HCN1: variants seen among roughly 807,000 people sequenced by gnomAD.
HCN1 encodes the protein potassium/sodium hyperpolarization-activated cyclic nucleotide-gated channel 1.
Under a neutral mutation model 78.9 loss-of-function variants are expected in HCN1, and 13 were observed. The ratio of observed to expected loss-of-function variants is 0.16; its 90% CI spans 0.11 to 0.26. The LOEUF is 0.26. Ranked by LOEUF, HCN1 falls within the 10% of genes least tolerant of loss-of-function variation. The pLI is 1.00. For missense variants in HCN1, 810 were observed against 1,154.3 expected (o/e 0.70, Z 4.32); for synonymous variants, 552 against 455.5 (o/e 1.21, Z -2.70).
chr5:45,308,841 C>G lies in HCN1; in HGVS notation c.1378-5002G>C, dbSNP rs1745790744. On this transcript the variant is annotated intron_variant, in intron 5 of 7. Coordinates refer to ENST00000303230, the MANE Select transcript of HCN1 (RefSeq NM_021072.4). ...TTCTTTTTTCTTAGGATTGTCTTGGCTATTTGGGCTAGTTTTTGGTTCCAT... is the reference window on the plus strand; with the variant it reads ...TTCTTTTTTCTTAGGATTGTCTTGGGTATTTGGGCTAGTTTTTGGTTCCAT... 2.0e-5 allele frequency among the ~76,000 whole-genome samples: 3 copies of G among 152,104 alleles called. No homozygotes were observed. The South Asian group carries it at 6.2e-4, about 32-fold the overall frequency.
At chr5:45,671,227 C>T (rs1746143554) in intron 1 of HCN1, among the ~76,000 whole-genome samples, 1 of 151,286 alleles carries the variant, frequency 6.6e-6, no homozygotes, top group African/African-American at 2.4e-5. Context: ...ACTCCATTAC[C>T]CAAATCCCAC....
At chr5:45,466,863 C>A (rs548839978) in intron 2 of HCN1, among the ~76,000 whole-genome samples, 177 of 152,106 alleles carry the variant, frequency 1.2e-3, no homozygotes, top group Admixed American at 1.6e-3. Context: ...TAACACTGAC[C>A]AATGACTGCA....
At chr5:45,263,913 C>T (rs941849525) in intron 7 of HCN1, among the ~76,000 whole-genome samples, 2 of 152,128 alleles carry the variant, frequency 1.3e-5, no homozygotes, top group African/African-American at 4.8e-5. Flanking sequence ...CCTGCCTTAG[C>T]CTCCTGAGTA....
intron 5 of HCN1, among the ~76,000 whole-genome samples, chr5:45,336,191 G>A (rs1360406705): frequency 3.3e-5 from 5 of 152,006 alleles, no homozygotes; most frequent in African/African-American, 1.2e-4. Flanking sequence ...AGGATACTAG[G>A]GATTACTGAA....
At chr5:45,353,345 C>A in intron 4 of HCN1, 99 bp from the exon 5 acceptor site, 1 of 868,396 alleles carries the variant, frequency 1.2e-6, no homozygotes, top group Non-Finnish European at 1.8e-6. Context: ...TTTGAATACT[C>A]AGTTACAAAA....
At chr5:45,394,460 C>T (rs1333324298) in intron 4 of HCN1, among the ~76,000 whole-genome samples, 1 of 152,168 alleles carries the variant, frequency 6.6e-6, no homozygotes, top group African/African-American at 2.4e-5. Flanking sequence ...GCACATTACT[C>T]ATCCACTATG....
intron 2 of HCN1, among the ~76,000 whole-genome samples, chr5:45,473,238 T>G (rs1300378562): frequency 6.6e-6 from 1 of 151,942 alleles, no homozygotes; most frequent in Non-Finnish European, 1.5e-5. Context: ...TCTATATATC[T>G]CGAGAGAACC....
At chr5:45,319,057 T>C (rs1746066301) in intron 5 of HCN1, among the ~76,000 whole-genome samples, 1 of 152,036 alleles carries the variant, frequency 6.6e-6, no homozygotes, top group South Asian at 2.1e-4. Context: ...TATTTCATTT[T>C]ATGGTTATAC....
chr5:45,518,567 G>A (rs1742556221), intron 2 of HCN1, among the ~76,000 whole-genome samples: 1 of 152,042 alleles, frequency 6.6e-6, no homozygotes, highest in Non-Finnish European at 1.5e-5. Context: ...ACAGCCTGAG[G>A]AGGAGGCCCA....
chr5:45,667,795 G>T (rs1746078540), intron 1 of HCN1, among the ~76,000 whole-genome samples: 1 of 151,876 alleles, frequency 6.6e-6, no homozygotes, highest in Non-Finnish European at 1.5e-5. Context: ...TGACATTGTA[G>T]TTCTTCCGAC....
chr5:45,348,991 A>T (rs1348585404), intron 5 of HCN1, among the ~76,000 whole-genome samples: 4 of 152,340 alleles, frequency 2.6e-5, no homozygotes, highest in Admixed American at 6.5e-5. Flanking sequence ...AATGATACCC[A>T]GGAATTGAAC....
At position 45,281,170 on chromosome 5, in the gene HCN1, T is replaced by C. The variant is rs577490477; in HGVS notation, c.1619-13917A>G. Among the ~76,000 whole-genome samples the C allele has an allele frequency of 2.0e-3, 301 of 152,286 alleles. 3 individuals carry two copies. Among genetic ancestry groups the C allele is most frequent in the African/African-American group, 7.0e-3 (292 of 41,552 alleles). On this transcript the variant is annotated intron_variant, in intron 6 of 7. Coordinates refer to ENST00000303230, the MANE Select transcript of HCN1 (RefSeq NM_021072.4). ...TCTGTGTCCCCACCCAAATCTCATGTAGAAATGTAATCCTCAGTGTTGAAG... is the reference window on the plus strand; with the variant it reads ...TCTGTGTCCCCACCCAAATCTCATGCAGAAATGTAATCCTCAGTGTTGAAG...
At chr5:45,573,622 T>G (rs922520323) in intron 2 of HCN1, among the ~76,000 whole-genome samples, 1 of 152,044 alleles carries the variant, frequency 6.6e-6, no homozygotes, top group African/African-American at 2.4e-5. Flanking sequence ...ATGAATAATG[T>G]CTTCCAGAAA....
At chr5:45,353,284 G>A (rs752854437) in intron 4 of HCN1, 38 bp from the exon 5 acceptor site, 1 of 1,409,750 alleles carries the variant, frequency 7.1e-7, no homozygotes, top group East Asian at 2.3e-5. Context: ...AAAAAACATT[G>A]TTAGGGTGTA....
chr5:45,259,994 C>T lies in HCN1; in HGVS notation c.*1927G>A, dbSNP rs1362073279. 1 of 152,590 alleles carries T rather than the reference C, an allele frequency of 6.6e-6. No homozygotes were observed. The highest frequency in any genetic ancestry group is 1.9e-4 in the East Asian group (1 of 5,202). The allele number at this position is 152,590 out of a possible 1,614,324, so 9.5% of individuals were successfully genotyped here. On this transcript the variant is annotated 3_prime_UTR_variant, in exon 8 of 8. Coordinates refer to ENST00000303230, the MANE Select transcript of HCN1 (RefSeq NM_021072.4). ...CACCAGCATATTGATGATTACATTA[C>T]ATCGACTAGCAGTTAATTACTTCCA...
intron 1 of HCN1, among the ~76,000 whole-genome samples, chr5:45,665,054 T>C (rs1485264249): frequency 1.3e-5 from 2 of 151,046 alleles, no homozygotes; most frequent in Non-Finnish European, 2.9e-5. Flanking sequence ...AACCCAAATG[T>C]CCAACAATGA....
At chr5:45,592,301 A>G (rs1400277444) in intron 2 of HCN1, among the ~76,000 whole-genome samples, 1 of 149,610 alleles carries the variant, frequency 6.7e-6, no homozygotes, top group African/African-American at 2.4e-5. Flanking sequence ...TAAACCAAGA[A>G]TAAAGGAATC....
At chr5:45,349,738 A>C (rs1237468509) in intron 5 of HCN1, among the ~76,000 whole-genome samples, 1 of 152,212 alleles carries the variant, frequency 6.6e-6, no homozygotes, top group Non-Finnish European at 1.5e-5. Context: ...AGAGAATACT[A>C]CAAACACCTC....
intron 2 of HCN1, among the ~76,000 whole-genome samples, chr5:45,608,858 A>T (rs1276889791): frequency 1.3e-5 from 2 of 152,082 alleles, no homozygotes; most frequent in Non-Finnish European, 2.9e-5. Flanking sequence ...CAAGCTGCAA[A>T]CTAGTTGAAG....
Sources: allele counts gnomAD v4.1 joint callset (sites outside exome capture counted in the v4.1 genomes callset), GRCh38; gene constraint gnomAD v4.1.1; transcripts MANE v1.5; gene names NCBI Gene and HGNC (gene_info 2026-07-23, HGNC 2026-07-21).